ZFAND3: variants seen among roughly 807,000 people sequenced by gnomAD.
ZFAND3 encodes the protein zinc finger AN1-type containing 3.
Under a neutral mutation model 29.6 loss-of-function variants are expected in ZFAND3, and 10 were observed. That is an observed-to-expected ratio of 0.34 (90% confidence interval 0.21 to 0.57). The LOEUF (loss-of-function observed/expected upper bound fraction) is 0.57. Ranked by LOEUF, ZFAND3 falls within the 20% of genes least tolerant of loss-of-function variation. ZFAND3 has a pLI of 0.86. For synonymous variants in ZFAND3, 128 were observed against 112.6 expected, an observed-to-expected ratio of 1.14 and a Z score of -0.87; for missense variants, 230 against 304.5, an observed-to-expected ratio of 0.76 and a Z score of 1.82.
chr6:37,877,550 G>A (rs1041155617), intron 1 of ZFAND3, among the ~76,000 whole-genome samples: 2 of 146,266 alleles, frequency 1.4e-5, no homozygotes, highest in Non-Finnish European at 3.1e-5. Flanking sequence ...AAGAAGAGGA[G>A]TCAGAGATAA....
chr6:37,866,622 G>A (rs1764595596), intron 1 of ZFAND3, among the ~76,000 whole-genome samples: 1 of 152,210 alleles, frequency 6.6e-6, no homozygotes, highest in Non-Finnish European at 1.5e-5. Context: ...AGGTTACCCA[G>A]TGGTTTTCAC....
At chr6:38,097,302 G>A (rs868127559) in intron 4 of ZFAND3, among the ~76,000 whole-genome samples, 1 of 148,194 alleles carries the variant, frequency 6.7e-6, no homozygotes, top group African/African-American at 2.5e-5. Context: ...GTCCAGGTTG[G>A]TCTTGAACTT....
intron 2 of ZFAND3, among the ~76,000 whole-genome samples, chr6:37,934,553 C>G (rs1462529892): frequency 6.8e-6 from 1 of 146,486 alleles, no homozygotes; most frequent in Non-Finnish European, 1.5e-5. Flanking sequence ...AAAAAAAGTC[C>G]AGACCCGGTG....
intron 4 of ZFAND3, among the ~76,000 whole-genome samples, chr6:38,103,497 GTATA>G (rs200086533): frequency 2.7e-4 from 3 of 11,122 alleles, no homozygotes; most frequent in Non-Finnish European, 4.5e-4. Context: ...ATATACACGT[GTATA>G]TATATACACG....
intron 3 of ZFAND3, among the ~76,000 whole-genome samples, chr6:38,080,941 A>T (rs1438554095): frequency 6.6e-6 from 1 of 152,080 alleles, no homozygotes; most frequent in Non-Finnish European, 1.5e-5. Context: ...AGTTGAAATT[A>T]CTCTGCTCTC....
intron 2 of ZFAND3, among the ~76,000 whole-genome samples, chr6:37,959,259 A>G (rs931218205): frequency 6.6e-6 from 1 of 152,228 alleles, no homozygotes; most frequent in African/African-American, 2.4e-5. Context: ...TTAATGTGCA[A>G]CAGCAGAACG....
chr6:37,973,398 A>G (rs1038205129), intron 2 of ZFAND3, among the ~76,000 whole-genome samples: 15 of 152,356 alleles, frequency 9.8e-5, no homozygotes, highest in African/African-American at 3.1e-4. Context: ...CTGAAGAACT[A>G]AAGAGTTGTT....
chr6:38,082,268 C>A, intron 3 of ZFAND3, 124 bp from the exon 4 acceptor site: 1 of 827,284 alleles, frequency 1.2e-6, no homozygotes, highest in Non-Finnish European at 1.9e-6. Context: ...TTTCCTACTA[C>A]TTCTCCTCGT....
intron 5 of ZFAND3, 69 bp from the exon 6 acceptor site, chr6:38,152,166 A>C: frequency 7.2e-7 from 1 of 1,397,728 alleles, no homozygotes; most frequent in African/African-American, 1.5e-5. Flanking sequence ...GACAAAGGCA[A>C]TTGTGAGGCT....
intron 2 of ZFAND3, among the ~76,000 whole-genome samples, chr6:37,943,072 G>A (rs1393532360): frequency 6.6e-6 from 1 of 152,056 alleles, no homozygotes; most frequent in Non-Finnish European, 1.5e-5. Flanking sequence ...CAATTAAAAA[G>A]TATGTAGGAG....
intron 4 of ZFAND3, among the ~76,000 whole-genome samples, chr6:38,103,395 ATATATATACACACACACG>A (rs1765135231): frequency 6.8e-6 from 1 of 147,582 alleles, no homozygotes; most frequent in Non-Finnish European, 1.5e-5. Flanking sequence ...ACACACACAC[ATATATATACACACACACG>A]TATATACACA....
chr6:37,894,387 CT>C (rs34388484), intron 1 of ZFAND3, among the ~76,000 whole-genome samples: 19,614 of 148,402 alleles, frequency 0.13, 2,064 homozygotes, highest in African/African-American at 0.3. Context: ...TTTCCTTTCC[CT>C]TTTTTTTTTT....
chr6:38,104,688 A>G (rs2127479608), intron 4 of ZFAND3, among the ~76,000 whole-genome samples: 1 of 152,326 alleles, frequency 6.6e-6, no homozygotes, highest in African/African-American at 2.4e-5. Flanking sequence ...ATCATATTCT[A>G]AGAGCAGAGA....
chr6:37,957,343 T>C (rs1016572918), intron 2 of ZFAND3, among the ~76,000 whole-genome samples: 1 of 152,096 alleles, frequency 6.6e-6, no homozygotes, highest in Admixed American at 6.5e-5. Flanking sequence ...CCAAGACTCT[T>C]TTTGTTGATT....
chr6:37,955,414 C>T (rs896445360), intron 2 of ZFAND3, among the ~76,000 whole-genome samples: 1 of 152,176 alleles, frequency 6.6e-6, no homozygotes, highest in Non-Finnish European at 1.5e-5. Context: ...GGACTTTCCG[C>T]TGTCCTGTCA....
At chr6:37,849,523 G>C (rs74360842) in intron 1 of ZFAND3, among the ~76,000 whole-genome samples, 3 of 151,908 alleles carry the variant, frequency 2.0e-5, no homozygotes, top group Admixed American at 6.6e-5. Context: ...ATTCTCCTGC[G>C]TCAGCCTCCT....
chr6:37,834,541 A>G (rs1240374294), intron 1 of ZFAND3, among the ~76,000 whole-genome samples: 1 of 152,186 alleles, frequency 6.6e-6, no homozygotes, highest in Non-Finnish European at 1.5e-5. Flanking sequence ...GGATCATATG[A>G]TAAGAGTATG....
At position 37,895,405 on chromosome 6, in the gene ZFAND3, G is replaced by A. The variant is rs538134724; in HGVS notation, c.72-34554G>A. Among the ~76,000 whole-genome samples the A allele has an allele frequency of 5.4e-5, 8 of 147,170 alleles. No individual in the cohort carries two copies. In the East Asian group the frequency reaches 1.0e-3, roughly 18 times the overall value. Reference sequence around the variant, plus strand: ...GCTGGAGTGCAGTGACGTGATCTCCGCTCACTGCAACTTCGGCCTTCTGGG... The same window carrying A: ...GCTGGAGTGCAGTGACGTGATCTCCACTCACTGCAACTTCGGCCTTCTGGG... On this transcript the variant is annotated intron_variant, in intron 1 of 5. Coordinates refer to ENST00000287218, the MANE Select transcript of ZFAND3 (RefSeq NM_021943.3).
At chr6:38,051,532 T>C (rs1764025452) in intron 2 of ZFAND3, among the ~76,000 whole-genome samples, 1 of 152,192 alleles carries the variant, frequency 6.6e-6, no homozygotes, top group Non-Finnish European at 1.5e-5. Context: ...ACTAATGGCT[T>C]GAGGGGAAGT....
Sources: gnomAD v4.1 joint callset for allele counts (sites outside exome capture counted in the v4.1 genomes callset) on GRCh38, gnomAD v4.1.1 for gene constraint, MANE v1.5 for transcripts, NCBI Gene and HGNC (gene_info 2026-07-23, HGNC 2026-07-21) for gene names.